Variants in DIP2A observed in about 807,000 individuals in gnomAD.
The protein encoded by DIP2A is disco-interacting protein 2 homolog A.
DIP2A carries 85 observed loss-of-function variants against 177.4 expected under a neutral mutation model. The ratio of observed to expected loss-of-function variants is 0.48; its 90% confidence interval spans 0.40 to 0.57. The LOEUF is 0.57. Ranked by LOEUF, DIP2A falls within the 20% of genes least tolerant of loss-of-function variation. The probability of loss-of-function intolerance (pLI) is 0.00; values close to 1 mark genes in which losing one functional copy is unlikely to be tolerated. For synonymous variants in DIP2A, 886 were observed against 881.8 expected, an observed-to-expected ratio of 1.00 and a Z score of -0.08; for missense variants, 1,791 against 2,100.2, an observed-to-expected ratio of 0.85 and a Z score of 2.88.
At chr21:46,504,249 C>A in intron 5 of DIP2A, 112 bp from the exon 6 acceptor site, 1 of 1,409,492 alleles carries the variant, frequency 7.1e-7, no homozygotes, top group Non-Finnish European at 9.8e-7. Flanking sequence ...ACCACACTCT[C>A]CCCACTTAGA....
At chr21:46,519,855 ATTTTTTTTTTTTTTTTTTT>A (rs59574579) in intron 8 of DIP2A, among the ~76,000 whole-genome samples, 29 of 53,016 alleles carry the variant, frequency 5.5e-4, no homozygotes, top group African/African-American at 8.7e-4. Context: ...ATTGATCTAG[ATTTTTTTTTTTTTTTTTTT>A]TTTTTTTTTT....
chr21:46,492,163 T>A (rs965589451), intron 3 of DIP2A, among the ~76,000 whole-genome samples: 1 of 152,206 alleles, frequency 6.6e-6, no homozygotes, highest in Non-Finnish European at 1.5e-5. Context: ...TTTTAGTTAA[T>A]TTTAGTGTAA....
intron 1 of DIP2A, among the ~76,000 whole-genome samples, chr21:46,473,360 G>T (rs2055563188): frequency 6.6e-6 from 1 of 151,640 alleles, no homozygotes; most frequent in East Asian, 1.9e-4. Context: ...CTATTTGATA[G>T]GCCGATGTGG....
intron 3 of DIP2A, among the ~76,000 whole-genome samples, chr21:46,495,244 TTCTCTCTC>T (rs371550332): frequency 2.4e-4 from 9 of 38,212 alleles, no homozygotes; most frequent in African/African-American, 7.0e-4. Flanking sequence ...CTTCTCTTCT[TTCTCTCTC>T]TCTCTCTCTC....
intron 1 of DIP2A, among the ~76,000 whole-genome samples, chr21:46,464,629 G>A (rs1304125688): frequency 2.0e-5 from 3 of 152,118 alleles, no homozygotes; most frequent in Non-Finnish European, 4.4e-5. Context: ...TGGAAGGTGA[G>A]AAGGCAAGAG....
At chr21:46,499,394 C>T (rs1383248569) in intron 5 of DIP2A, among the ~76,000 whole-genome samples, 1 of 152,174 alleles carries the variant, frequency 6.6e-6, no homozygotes, top group Non-Finnish European at 1.5e-5. Flanking sequence ...CTGTGATCAT[C>T]ACCCTTGACC....
At position 46,557,217 on chromosome 21, in the gene DIP2A, G is replaced by C; in HGVS notation, c.3629+148G>C. The stretch of plus-strand genomic sequence containing the variant: ...TTGTTTGGGGATGAAGTGGGTTGGA[G>C]TCTGAGTCTGAAATTGAGTGAAAAT... On this transcript the variant is annotated intron_variant, in intron 30 of 37. Coordinates refer to ENST00000417564, the MANE Select transcript of DIP2A (RefSeq NM_015151.4). The surrounding 1 kb of genome is among the most constrained non-coding windows in gnomAD (Gnocchi z 6.0). 1.2e-6 allele frequency: 1 copy of C among 866,042 alleles called. No individual in the cohort carries two copies. Among genetic ancestry groups the C allele is most frequent in the Non-Finnish European group, 1.7e-6 (1 of 583,136 alleles). 53.6% of individuals were successfully genotyped at this position (866,042 alleles called of 1,614,324 possible).
intron 34 of DIP2A, 128 bp downstream of exon 34, chr21:46,561,933 C>T (rs187641653): frequency 9.4e-6 from 14 of 1,481,748 alleles, no homozygotes; most frequent in South Asian, 2.8e-5. Context: ...GGGGTGGGCT[C>T]GGCTGCTGCA....
rs547057599 is a variant in DIP2A, at chr21:46,477,273, G to T, written c.92-7484G>T. Among the ~76,000 whole-genome samples, 3 of 152,054 alleles carry T rather than the reference G, an allele frequency of 2.0e-5. No individual in the cohort carries two copies. In the East Asian group the frequency reaches 5.9e-4, roughly 30 times the overall value. On this transcript the variant is annotated intron_variant, in intron 1 of 37. Transcript: ENST00000417564. ...TACGTATATATTTTTATCCAGGCGT[G>T]GTGGCTCACGTCTGTAATCCCAGCA... is the stretch of plus-strand genomic sequence containing the variant.
At chr21:46,488,482 C>CA (rs1230850935) in intron 2 of DIP2A, among the ~76,000 whole-genome samples, 2 of 152,176 alleles carry the variant, frequency 1.3e-5, no homozygotes, top group Non-Finnish European at 2.9e-5. Flanking sequence ...AGGGTGTCCA[C>CA]AGCAGACAAG....
At chr21:46,566,007 G>GGT (rs1231035865) in intron 36 of DIP2A, 120 bp downstream of exon 36, 1 of 1,105,560 alleles carries the variant, frequency 9.0e-7, no homozygotes, top group African/African-American at 2.2e-5. Flanking sequence ...TGCTCCTTGT[G>GGT]GGGGGAAGAT....
chr21:46,510,806 T>C (rs1424245839), intron 7 of DIP2A, among the ~76,000 whole-genome samples: 1 of 151,980 alleles, frequency 6.6e-6, no homozygotes, highest in Non-Finnish European at 1.5e-5. Context: ...AATTTTTTTT[T>C]GTATTTTTAG....
Position 46,545,125 on chromosome 21 carries a change from T to A in DIP2A, c.2177-12T>A. 1.3e-6 allele frequency: 2 copies of A among 1,570,046 alleles called. No homozygotes were observed. Among genetic ancestry groups the A allele is most frequent in the Non-Finnish European group, 1.7e-6 (2 of 1,151,672 alleles). On this transcript the variant is annotated splice_polypyrimidine_tract_variant and intron_variant, in intron 18 of 37. Transcript: ENST00000417564. Reference sequence around the variant, plus strand: ...CGTTCTTGATAATTTTGAGTTTTTTTTCTCATTTTAGCTAATGTATGTGTT... The same window carrying A: ...CGTTCTTGATAATTTTGAGTTTTTTATCTCATTTTAGCTAATGTATGTGTT...
chr21:46,578,067 AC>A, the DIP2A span, among the ~76,000 whole-genome samples: 1 of 152,172 alleles, frequency 6.6e-6, no homozygotes, highest in East Asian at 1.9e-4. Flanking sequence ...TAATCCCAGC[AC>A]TTTAGGAGGC....
At position 46,498,887 on chromosome 21, in the gene DIP2A, C is replaced by T; in HGVS notation, c.655+54C>T. 1 of 1,530,726 alleles carries T rather than the reference C, an allele frequency of 6.5e-7. No individual in the cohort carries two copies. Among genetic ancestry groups the T allele is most frequent in the Non-Finnish European group, 8.8e-7 (1 of 1,135,372 alleles). The allele number at this position is 1,530,726 out of a possible 1,614,324, so 94.8% of individuals were successfully genotyped here. A position where few individuals can be genotyped will look rare whatever the true frequency, so the allele number is the denominator to read the frequency against. On this transcript the variant is annotated intron_variant, in intron 5 of 37. Coordinates refer to ENST00000417564, the MANE Select transcript of DIP2A (RefSeq NM_015151.4). The surrounding 1 kb of genome is among the most constrained non-coding windows in gnomAD (Gnocchi z 4.3). ...GCCAGCAGAGCGGGGTCAGGAGTGT[C>T]CAGGACAGAGGAGCAGATGGAGGGC...
In DIP2A at chr21:46,558,340, C is replaced by G; in HGVS notation, c.3916C>G (p.Arg1306Gly). The G allele has an allele frequency of 6.2e-7, 1 of 1,607,600 alleles. No homozygotes were observed. Among genetic ancestry groups the G allele is most frequent in the Non-Finnish European group, 8.5e-7 (1 of 1,177,910 alleles). The change falls in exon 32 of 38, where the codon CGC (arginine) becomes GGC (glycine). Residue 1306 changes from arginine (R) to glycine (G), a missense_variant. Physicochemically the swap from Arg to Gly is moderately radical, Grantham distance 125. Transcript: ENST00000417564. ...KLFKDLGLPA[R>G]AVSTTFGCRV... ...CTTCAAGGACCTGGGCCTGCCGGCC[C>G]GCGCCGTAAGCACCACGTTCGGGTG...
intron 6 of DIP2A, among the ~76,000 whole-genome samples, chr21:46,508,420 G>A (rs1211036985): frequency 1.4e-5 from 2 of 143,756 alleles, no homozygotes; most frequent in Non-Finnish European, 3.0e-5. Context: ...GTGCAGTGGC[G>A]CAATCTCGGC....
rs776637658 is a variant in DIP2A, at chr21:46,549,766, C to T, written c.2523-5C>T. 1.5e-5 allele frequency: 24 copies of T among 1,613,512 alleles called. No individual in the cohort carries two copies. Among genetic ancestry groups the T allele is most frequent in the South Asian group, 1.2e-4 (11 of 91,070 alleles). The stretch of plus-strand genomic sequence containing the variant: ...GTGTGGCCATTTCCATGTCTCATCC[C>T]GCAGGATCGCTGTGTTCTCTGTGAC... On this transcript the variant is annotated splice_polypyrimidine_tract_variant and splice_region_variant and intron_variant, in intron 21 of 37. Coordinates refer to ENST00000417564, the MANE Select transcript of DIP2A (RefSeq NM_015151.4).
chr21:46,470,850 A>G (rs2055306312), intron 1 of DIP2A, among the ~76,000 whole-genome samples: 1 of 150,108 alleles, frequency 6.7e-6, no homozygotes, highest in Admixed American at 6.7e-5. Flanking sequence ...AATCGCTTGA[A>G]CCCAGGAGGC....
Sources: gnomAD v4.1 joint callset for allele counts (sites outside exome capture counted in the v4.1 genomes callset) on GRCh38, gnomAD v4.1.1 for gene constraint, Gnocchi (gnomAD v3.1) non-coding constraint, MANE v1.5 for transcripts, NCBI Gene and HGNC (gene_info 2026-07-23, HGNC 2026-07-21) for gene names.